The following KCNG2 variants were observed in gnomAD, a reference collection of about 807,000 sequenced individuals.
The protein encoded by KCNG2 is potassium voltage-gated channel modifier subfamily G member 2.
A neutral mutation model predicts 12.3 loss-of-function variants in KCNG2; 7 were observed. That is an observed-to-expected ratio of 0.57 (90% CI 0.32 to 1.07). The LOEUF is 1.07. Among genes scored for constraint, KCNG2 ranks in the 50% least tolerant of loss-of-function variants. The probability of loss-of-function intolerance (pLI) is 0.04; values close to 1 mark genes in which losing one functional copy is unlikely to be tolerated. For synonymous variants in KCNG2, 414 were observed against 351.4 expected (o/e 1.18, Z -1.99); for missense variants, 703 against 726.0 (o/e 0.97, Z 0.36).
intron 3 of KCNG2, among the ~76,000 whole-genome samples, chr18:79,878,057 G>A (rs985796991): frequency 1.3e-5 from 2 of 152,274 alleles, no homozygotes; most frequent in African/African-American, 2.4e-5. Context: ...CACCGGCGCT[G>A]CCGCGTGGTG....
chr18:79,859,449 C>G (rs982392376), intron 2 of KCNG2, among the ~76,000 whole-genome samples: 3 of 152,198 alleles, frequency 2.0e-5, no homozygotes, highest in Non-Finnish European at 4.4e-5. Context: ...TGTGCAGAGA[C>G]CACACGGAGA....
At chr18:79,838,693 G>A (rs1978373697) in intron 1 of KCNG2, among the ~76,000 whole-genome samples, 1 of 152,174 alleles carries the variant, frequency 6.6e-6, no homozygotes, top group African/African-American at 2.4e-5. Context: ...TTACAGGCAT[G>A]AGCCACCTCA....
chr18:79,849,650 G>T (rs1386377380), intron 1 of KCNG2, among the ~76,000 whole-genome samples: 14 of 152,248 alleles, frequency 9.2e-5, no homozygotes, highest in Admixed American at 6.5e-4. Flanking sequence ...GCGGACGCTT[G>T]CCTTTCTCTG....
At chr18:79,874,225 A>G (rs1979977190) in intron 3 of KCNG2, among the ~76,000 whole-genome samples, 1 of 152,252 alleles carries the variant, frequency 6.6e-6, no homozygotes, top group Admixed American at 6.5e-5. Flanking sequence ...AGCCACCGCC[A>G]TCAGCCACCT....
rs1211479324 is a variant in KCNG2, at chr18:79,866,501, TGG to T, written c.624+2212_624+2213del. Among the ~76,000 whole-genome samples the T allele has an allele frequency of 6.5e-4, 80 of 122,280 alleles. 1 individual carries two copies. The highest frequency in any genetic ancestry group is 9.4e-4 in the Non-Finnish European group (54 of 57,244). The allele number at this position is 122,280 out of a possible 152,430, so 80.2% of individuals were successfully genotyped here. A position where few individuals can be genotyped will look rare whatever the true frequency, so the allele number is the denominator to read the frequency against. ...GCTGAGGTCTGTGTGCTGAGAGGTC[TGG>T]GTGCTGAGGTCTGGGTGCTGAAGTC... On this transcript the variant is annotated intron_variant, in intron 3 of 3. Transcript: ENST00000316249.
rs1174596480 is a variant in KCNG2, at chr18:79,833,201, T to A, written c.-114-23178T>A. 3.9e-5 allele frequency among the ~76,000 whole-genome samples: 6 copies of A among 152,268 alleles called. No individual in the cohort carries two copies. In the East Asian group the frequency reaches 9.6e-4, roughly 24 times the overall value. On this transcript the variant is annotated intron_variant, in intron 1 of 3. Coordinates refer to ENST00000316249, the MANE Select transcript of KCNG2 (RefSeq NM_012283.2). ...CCCAGGCTGGGGTGCAGTGGTGCGA[T>A]CTTGGCTTACTACAGCCTTGACCTC...
At chr18:79,802,606 A>G (rs146551303) in intron 1 of KCNG2, among the ~76,000 whole-genome samples, 111 of 152,228 alleles carry the variant, frequency 7.3e-4, no homozygotes, top group African/African-American at 2.5e-3. Flanking sequence ...CACCCCAAGG[A>G]CACCCTTCCT....
intron 1 of KCNG2, among the ~76,000 whole-genome samples, chr18:79,834,274 A>T (rs983389303): frequency 1.3e-5 from 2 of 152,206 alleles, no homozygotes; most frequent in Non-Finnish European, 2.9e-5. Flanking sequence ...GACGTGGCAA[A>T]TGGGGGTTTT....
chr18:79,845,864 A>G (rs1599387772), intron 1 of KCNG2, among the ~76,000 whole-genome samples: 1 of 151,778 alleles, frequency 6.6e-6, no homozygotes, highest in Non-Finnish European at 1.5e-5. Context: ...AGGCAGGCGG[A>G]TCATGAGGTC....
rs560851753 is a variant in KCNG2, at chr18:79,810,313, T to A, written c.-115+12299T>A. Among the ~76,000 whole-genome samples the A allele has an allele frequency of 4.6e-5, 7 of 151,492 alleles. No homozygotes were observed. In the South Asian group the frequency reaches 1.5e-3, roughly 32 times the overall value. ...CAAGATGAGACTGGAGAATTTCTGATCAGTGGGGAGGGGGGAAGCACCACG... is the reference window on the plus strand; with the variant it reads ...CAAGATGAGACTGGAGAATTTCTGAACAGTGGGGAGGGGGGAAGCACCACG... On this transcript the variant is annotated intron_variant, in intron 1 of 3. Coordinates refer to ENST00000316249, the MANE Select transcript of KCNG2 (RefSeq NM_012283.2).
At chr18:79,839,245 G>A (rs1000632888) in intron 1 of KCNG2, among the ~76,000 whole-genome samples, 1 of 152,194 alleles carries the variant, frequency 6.6e-6, no homozygotes, top group Non-Finnish European at 1.5e-5. Context: ...AGTGAGCCAT[G>A]ATCATGCCAC....
rs1345119723 is a variant in KCNG2 at position 79,864,176 on chromosome 18, C to T, written c.509C>T (p.Pro170Leu). 2 of 1,513,974 alleles carry T rather than the reference C, an allele frequency of 1.3e-6. No homozygotes were observed. Among genetic ancestry groups the T allele is most frequent in the Non-Finnish European group, 1.8e-6 (2 of 1,135,332 alleles). The allele number at this position is 1,513,974 out of a possible 1,614,324, so 93.8% of individuals were successfully genotyped here. A position where few individuals can be genotyped will look rare whatever the true frequency, so the allele number is the denominator to read the frequency against. Residue 170 changes from proline (P) to leucine (L), a missense_variant, in exon 3 of 4, where the codon CCG (proline) becomes CTG (leucine). Coordinates refer to ENST00000316249, the MANE Select transcript of KCNG2 (RefSeq NM_012283.2). ...CGCCTGCGCGACGTGGTGGACAACCCGCACTCGGGGCTGGCGGGCAAGCTC... is the reference window on the plus strand; with the variant it reads ...CGCCTGCGCGACGTGGTGGACAACCTGCACTCGGGGCTGGCGGGCAAGCTC... Reference protein sequence around the residue: ...RRRLRDVVDNPHSGLAGKLFA... With the variant: ...RRRLRDVVDNLHSGLAGKLFA...
At chr18:79,852,443 T>C (rs1978856950) in intron 1 of KCNG2, among the ~76,000 whole-genome samples, 1 of 152,254 alleles carries the variant, frequency 6.6e-6, no homozygotes, top group East Asian at 1.9e-4. Context: ...ATCTATTTAA[T>C]TGTGCATAAG....
chr18:79,883,426 C>T (rs1000971553), intron 3 of KCNG2, among the ~76,000 whole-genome samples: 33 of 152,362 alleles, frequency 2.2e-4, no homozygotes, highest in South Asian at 8.3e-4. Context: ...GGGCTCATTT[C>T]TGACGTTCCC....
At chr18:79,801,586 G>A (rs553182599) in intron 1 of KCNG2, among the ~76,000 whole-genome samples, 4 of 152,378 alleles carry the variant, frequency 2.6e-5, no homozygotes, top group East Asian at 1.9e-4. Flanking sequence ...ATAGTTAAGC[G>A]ATGGAGTTTA....
intron 3 of KCNG2, among the ~76,000 whole-genome samples, chr18:79,883,283 G>A (rs548132082): frequency 6.6e-6 from 1 of 152,322 alleles, no homozygotes; most frequent in Non-Finnish European, 1.5e-5. Flanking sequence ...GGGAACGGCG[G>A]GGGGAAGCTG....
At chr18:79,798,165 G>A (rs2122980761) in intron 1 of KCNG2, among the ~76,000 whole-genome samples, 151 bp downstream of exon 1, 1 of 151,638 alleles carries the variant, frequency 6.6e-6, no homozygotes, top group Admixed American at 6.6e-5. Context: ...GCGGGCGCGG[G>A]AGGGTCGAAG....
At chr18:79,842,322 C>G (rs1031257552) in intron 1 of KCNG2, among the ~76,000 whole-genome samples, 1 of 152,200 alleles carries the variant, frequency 6.6e-6, no homozygotes, top group African/African-American at 2.4e-5. Context: ...ATGGAAGCAC[C>G]CTTGCCCAGA....
At chr18:79,847,645 A>G (rs1457900105) in intron 1 of KCNG2, among the ~76,000 whole-genome samples, 2 of 152,226 alleles carry the variant, frequency 1.3e-5, no homozygotes, top group East Asian at 3.8e-4. Flanking sequence ...AAATATTATT[A>G]TATCCCAGTG....
Sources: allele counts gnomAD v4.1 joint callset (sites outside exome capture counted in the v4.1 genomes callset), GRCh38; gene constraint gnomAD v4.1.1; transcripts MANE v1.5; gene names NCBI Gene and HGNC (gene_info 2026-07-23, HGNC 2026-07-21).